SDK1: variants seen among roughly 807,000 people sequenced by gnomAD.
The protein encoded by SDK1 is protein sidekick-1.
A neutral mutation model predicts 245.5 loss-of-function variants in SDK1; 157 were observed. The ratio of observed to expected loss-of-function variants is 0.64; its 90% CI spans 0.56 to 0.73. The LOEUF (loss-of-function observed/expected upper bound fraction) is 0.73. Ranked by LOEUF, SDK1 falls within the 30% of genes least tolerant of loss-of-function variation. The pLI is 0.00. For missense variants in SDK1, 3,583 were observed against 3,002.3 expected, an observed-to-expected ratio of 1.19 and a Z score of -4.52; for synonymous variants, 1,647 against 1,278.5, an observed-to-expected ratio of 1.29 and a Z score of -6.15.
chr7:3,487,171 G>A (rs2128603990), intron 1 of SDK1, among the ~76,000 whole-genome samples: 1 of 152,254 alleles, frequency 6.6e-6, no homozygotes, highest in Non-Finnish European at 1.5e-5. Flanking sequence ...TGGTCTTAGT[G>A]TGCCAGCTCC....
intron 14 of SDK1, among the ~76,000 whole-genome samples, chr7:3,999,337 G>T (rs189623571): frequency 1.3e-5 from 2 of 152,186 alleles, no homozygotes; most frequent in African/African-American, 4.8e-5. Context: ...CAGGAAGAGC[G>T]TGAGGTCCAT....
intron 1 of SDK1, among the ~76,000 whole-genome samples, chr7:3,606,433 G>C (rs1781427920): frequency 1.3e-5 from 2 of 152,090 alleles, no homozygotes; most frequent in African/African-American, 4.8e-5. Flanking sequence ...TCAAACTTTT[G>C]CTAAAATTTC....
chr7:3,497,460 T>C (rs974771358), intron 1 of SDK1, among the ~76,000 whole-genome samples: 2 of 152,336 alleles, frequency 1.3e-5, no homozygotes, highest in South Asian at 2.1e-4. Context: ...GAAAGTGCTA[T>C]GTGTAGCTTT....
chr7:4,104,109 G>C (rs936220048), intron 22 of SDK1, among the ~76,000 whole-genome samples: 7 of 152,226 alleles, frequency 4.6e-5, no homozygotes, highest in African/African-American at 1.7e-4. Flanking sequence ...GCCCATGCTG[G>C]AGTGCAGTTG....
intron 1 of SDK1, among the ~76,000 whole-genome samples, chr7:3,614,257 A>T (rs940319250): frequency 6.6e-6 from 1 of 152,232 alleles, no homozygotes; most frequent in African/African-American, 2.4e-5. Context: ...CTATTTTAAG[A>T]ATAGAACACT....
At position 4,256,068 on chromosome 7, in the gene SDK1, C is replaced by T. The variant is rs548435822; in HGVS notation, c.6382-9056C>T. On this transcript the variant is annotated intron_variant, in intron 44 of 44. Coordinates refer to ENST00000404826, the MANE Select transcript of SDK1 (RefSeq NM_152744.4). ...CCAAGTAGCTGTGATCACAGGTGTGCGCCACCACACCCAGCTAATTTTTGT... is the reference window on the plus strand; with the variant it reads ...CCAAGTAGCTGTGATCACAGGTGTGTGCCACCACACCCAGCTAATTTTTGT... Among the ~76,000 whole-genome samples the T allele has an allele frequency of 3.0e-4, 45 of 151,968 alleles. No individual in the cohort carries two copies. In the South Asian group the frequency reaches 5.6e-3, roughly 19 times the overall value.
chr7:3,314,893 A>C (rs944855372), intron 1 of SDK1, among the ~76,000 whole-genome samples: 2 of 141,248 alleles, frequency 1.4e-5, no homozygotes, highest in Non-Finnish European at 3.1e-5. Context: ...ATTGGCAACA[A>C]AAACTTTTTT....
chr7:3,543,316 T>A (rs1277910204), intron 1 of SDK1, among the ~76,000 whole-genome samples: 1 of 152,270 alleles, frequency 6.6e-6, no homozygotes, highest in Non-Finnish European at 1.5e-5. Flanking sequence ...CCTTGCTTAA[T>A]TTCTGTTTCA....
intron 4 of SDK1, among the ~76,000 whole-genome samples, chr7:3,750,666 C>G (rs1428060591): frequency 6.6e-6 from 1 of 152,212 alleles, no homozygotes; most frequent in African/African-American, 2.4e-5. Flanking sequence ...ACTGATTTAA[C>G]TGAGTTCTTT....
intron 1 of SDK1, among the ~76,000 whole-genome samples, chr7:3,426,868 G>A (rs1175236021): frequency 6.6e-6 from 1 of 152,168 alleles, no homozygotes; most frequent in Non-Finnish European, 1.5e-5. Flanking sequence ...TCCCTGTCAT[G>A]GTTTTCTGTC....
At chr7:3,686,892 G>T (rs1004601720) in intron 4 of SDK1, among the ~76,000 whole-genome samples, 3 of 152,172 alleles carry the variant, frequency 2.0e-5, no homozygotes, top group African/African-American at 4.8e-5. Context: ...GTTGTCTGGT[G>T]CCTGGCCCTG....
intron 1 of SDK1, among the ~76,000 whole-genome samples, chr7:3,333,538 C>T (rs1380571858): frequency 6.6e-6 from 1 of 152,134 alleles, no homozygotes; most frequent in Non-Finnish European, 1.5e-5. Flanking sequence ...TCCTTTCACA[C>T]TCAGCCTGGA....
chr7:3,595,874 G>A (rs1288390288), intron 1 of SDK1, among the ~76,000 whole-genome samples: 3 of 142,514 alleles, frequency 2.1e-5, no homozygotes, highest in Non-Finnish European at 3.0e-5. Flanking sequence ...AAAAAAGGAG[G>A]TTACAGTCTG....
Position 3,987,931 on chromosome 7 carries a change from G to A in SDK1, c.2131+609G>A, listed in dbSNP as rs979251373. ...CGTGTGCACCCACTCACGCCTCTCC[G>A]CTCTCCCTGGAATCTCTTCCTGGGA... On this transcript the variant is annotated intron_variant, in intron 14 of 44. Coordinates refer to ENST00000404826, the MANE Select transcript of SDK1 (RefSeq NM_152744.4). 3.3e-5 allele frequency among the ~76,000 whole-genome samples: 5 copies of A among 152,016 alleles called. No individual in the cohort carries two copies. In the South Asian group the frequency reaches 8.3e-4, roughly 25 times the overall value.
chr7:3,463,951 G>C (rs557446747), intron 1 of SDK1, among the ~76,000 whole-genome samples: 94 of 152,274 alleles, frequency 6.2e-4, no homozygotes, highest in African/African-American at 2.2e-3. Context: ...TTTTCTCCCA[G>C]CTCTGGAGCT....
chr7:3,615,413 A>C lies in SDK1; in HGVS notation c.299-3667A>C, dbSNP rs984559921. 7.2e-5 allele frequency among the ~76,000 whole-genome samples: 11 copies of C among 151,742 alleles called. No individual in the cohort carries two copies. The South Asian group carries it at 2.3e-3, about 31-fold the overall frequency. On this transcript the variant is annotated intron_variant, in intron 1 of 44. Coordinates refer to ENST00000404826, the MANE Select transcript of SDK1 (RefSeq NM_152744.4). ...GTTGATATACAGCTTAACGCATGTC[A>C]GTTGCAGCAGAAGCAGGCAGAACTC...
chr7:4,180,559 C>T (rs538948020), intron 35 of SDK1, among the ~76,000 whole-genome samples: 1 of 152,358 alleles, frequency 6.6e-6, no homozygotes, highest in South Asian at 2.1e-4. Flanking sequence ...CGCCCAGCTC[C>T]AGTTCTAGGG....
chr7:3,646,899 A>C (rs1782856718), intron 4 of SDK1, among the ~76,000 whole-genome samples: 1 of 152,244 alleles, frequency 6.6e-6, no homozygotes. Flanking sequence ...TAATTAGAGT[A>C]GTCAAATTCA....
chr7:3,416,098 A>G (rs985756123), intron 1 of SDK1, among the ~76,000 whole-genome samples: 21 of 152,236 alleles, frequency 1.4e-4, no homozygotes, highest in South Asian at 1.2e-3. Context: ...TCTCCTTTAA[A>G]GTATGAAGTA....
Sources: allele counts gnomAD v4.1 joint callset (sites outside exome capture counted in the v4.1 genomes callset), GRCh38; gene constraint gnomAD v4.1.1; transcripts MANE v1.5; gene names NCBI Gene and HGNC (gene_info 2026-07-23, HGNC 2026-07-21).